Variants in LETMD1 observed in about 807,000 individuals in gnomAD.
LETMD1 encodes the protein LETM1 domain containing 1, also known as LETM1 domain-containing protein 1.
LETMD1 carries 30 observed loss-of-function variants against 43.9 expected under a neutral mutation model. That is an observed-to-expected ratio of 0.68 (90% CI 0.51 to 0.93). The LOEUF is 0.93. Among genes scored for constraint, LETMD1 ranks in the 40% least tolerant of loss-of-function variants. LETMD1 has a pLI of 0.00. For synonymous variants in LETMD1, 176 were observed against 163.1 expected, an observed-to-expected ratio of 1.08 and a Z score of -0.60; for missense variants, 413 against 447.7, an observed-to-expected ratio of 0.92 and a Z score of 0.70.
rs200367766 is a variant in LETMD1 at position 51,049,233 on chromosome 12, G to C, written c.274+48G>C. The C allele has an allele frequency of 3.9e-6, 6 of 1,525,192 alleles. No homozygotes were observed. In the African/African-American group the frequency reaches 6.9e-5, roughly 17 times the overall value. 94.5% of individuals were successfully genotyped at this position (1,525,192 alleles called of 1,614,324 possible). On this transcript the variant is annotated intron_variant, in intron 2 of 8. Transcript: ENST00000262055. ...AATTCCGGAATCAGCTCTTGGGCAG[G>C]GTCAAAGAGTTAGCATAAATAAGAT...
At chr12:51,061,750 C>T (rs1305338167), downstream of LETMD1, 1 of 152,200 alleles carries the variant, frequency 6.6e-6, no homozygotes, top group African/African-American at 2.4e-5. Context: ...ATGTGTTCCT[C>T]ATCGTGCAGC....
chr12:51,053,259 T>C (rs996131329), intron 3 of LETMD1, among the ~76,000 whole-genome samples: 1 of 152,198 alleles, frequency 6.6e-6, no homozygotes, highest in African/African-American at 2.4e-5. Flanking sequence ...TGGTATAATG[T>C]CAGGCTCTGT....
At chr12:51,063,795 T>C, downstream of LETMD1, 1 of 1,599,760 alleles carries the variant, frequency 6.3e-7, no homozygotes, top group East Asian at 2.2e-5. Context: ...GGGCCGATCC[T>C]CATTCTGCTG....
intron 8 of LETMD1, 165 bp downstream of exon 8, chr12:51,058,293 G>A (rs1948308963): frequency 8.0e-6 from 5 of 621,456 alleles, no homozygotes; most frequent in East Asian, 5.5e-5. Flanking sequence ...GGCAGGTAAC[G>A]AAGTAGGCCA....
At chr12:51,055,693 G>C (rs1947481533) in intron 4 of LETMD1, 142 bp from the exon 5 acceptor site, 2 of 257,712 alleles carry the variant, frequency 7.8e-6, no homozygotes, top group Non-Finnish European at 1.4e-5. Context: ...AAAAAAAACT[G>C]AAAAAGAAAA....
intron 4 of LETMD1, 26 bp downstream of exon 4, chr12:51,053,886 A>G (rs778704578): frequency 6.9e-7 from 1 of 1,457,154 alleles, no homozygotes; most frequent in South Asian, 1.2e-5. Flanking sequence ...CATCTCCCCA[A>G]CATCTTGAAG....
At chr12:51,064,490 C>G (rs143340150), downstream of LETMD1, 1 of 1,610,188 alleles carries the variant, frequency 6.2e-7, no homozygotes, top group East Asian at 2.2e-5. Context: ...AACTGGCAGT[C>G]GGGGAGGGCT....
At chr12:51,065,887 G>T in the LETMD1 span, among the ~76,000 whole-genome samples, 518 of 151,826 alleles carry the variant, frequency 3.4e-3, 1 homozygote, top group African/African-American at 0.012. Context: ...TAAAAATAAA[G>T]AAAGAGTGAG....
intron 2 of LETMD1, among the ~76,000 whole-genome samples, chr12:51,049,730 G>A (rs1020454478): frequency 1.8e-4 from 28 of 152,152 alleles, no homozygotes; most frequent in African/African-American, 5.6e-4. Context: ...ATCCCAGTTC[G>A]TCACTGTGCG....
intron 3 of LETMD1, among the ~76,000 whole-genome samples, chr12:51,053,226 C>T (rs1021304828): frequency 6.6e-6 from 1 of 152,144 alleles, no homozygotes; most frequent in Non-Finnish European, 1.5e-5. Context: ...TTCCGCAGAT[C>T]AGGAAGAGTT....
At chr12:51,056,116 C>T (rs1267226805) in intron 5 of LETMD1, 28 bp from the exon 6 acceptor site, 2 of 1,611,138 alleles carry the variant, frequency 1.2e-6, no homozygotes, top group Admixed American at 1.7e-5. Context: ...ACTTTCCTAA[C>T]ATCTACAAAT....
chr12:51,061,534 A>T (rs776014460), downstream of LETMD1: 13 of 152,650 alleles, frequency 8.5e-5, no homozygotes, highest in Admixed American at 2.6e-4. Flanking sequence ...GGTTGTAGAG[A>T]AGGCCTTTCG....
intron 3 of LETMD1, chr12:51,052,509 G>A (rs1201225115): frequency 2.7e-5 from 8 of 300,902 alleles, no homozygotes; most frequent in East Asian, 2.0e-4. Flanking sequence ...GGGGCTGGGC[G>A]CGGTGGCTCA....
In LETMD1 at chr12:51,056,192, G is replaced by A. The variant is rs1176145321; in HGVS notation, c.709G>A (p.Glu237Lys). ...PAIHDILALR[E>K]CFSNHPLGMN... is the part of the protein sequence containing the mutation. ...AATACATGATATCTTGGCTCTGAGA[G>A]AGTGTTTCTCTAACCATCCTCTGGG... The change falls in exon 6 of 9, where the codon GAG becomes AAG. Residue 237 changes from glutamate to lysine, a missense_variant. Coordinates refer to ENST00000262055, the MANE Select transcript of LETMD1 (RefSeq NM_015416.5). 9 of 1,614,256 alleles carry A rather than the reference G, an allele frequency of 5.6e-6. No homozygotes were observed. The highest frequency in any genetic ancestry group is 6.8e-6 in the Non-Finnish European group (8 of 1,180,048).
At position 51,055,989 on chromosome 12, in the gene LETMD1, C is replaced by G. The variant is rs528517736; in HGVS notation, c.628C>G (p.Leu210Val). Reference sequence around the variant, plus strand: ...CATCCCTCTCATTTCTGATGCAGGACTCCGGTGGCGTCTGACAGATCTGTG... The same window carrying G: ...CATCCCTCTCATTTCTGATGCAGGAGTCCGGTGGCGTCTGACAGATCTGTG... ...KVIPLISDAG[L>V]RWRLTDLCTK... The change falls in exon 5 of 9, where the codon CTC (leucine) becomes GTC (valine). Residue 210 changes from leucine to valine, a missense_variant. Coordinates refer to ENST00000262055, the MANE Select transcript of LETMD1 (RefSeq NM_015416.5). The G allele has an allele frequency of 2.5e-6, 4 of 1,614,080 alleles. No individual in the cohort carries two copies. The Admixed American group carries it at 6.7e-5, about 27-fold the overall frequency.
intron 2 of LETMD1, 68 bp from the exon 3 acceptor site, chr12:51,052,024 G>A (rs1014595293): frequency 2.1e-6 from 3 of 1,414,304 alleles, no homozygotes; most frequent in Non-Finnish European, 2.9e-6. Context: ...TGAACATGGA[G>A]TAGGAAGCTG....
chr12:51,054,657 A>G (rs190269561), intron 4 of LETMD1, among the ~76,000 whole-genome samples: 108 of 152,326 alleles, frequency 7.1e-4, no homozygotes, highest in African/African-American at 2.5e-3. Context: ...TGAAGGTCAC[A>G]TAGAGTCACT....
At chr12:51,054,804 T>TAA (rs1947166560) in intron 4 of LETMD1, among the ~76,000 whole-genome samples, 1 of 151,950 alleles carries the variant, frequency 6.6e-6, no homozygotes, top group Non-Finnish European at 1.5e-5. Flanking sequence ...ATAAATAAAT[T>TAA]AAAAAACAAA....
At position 51,056,256 on chromosome 12, in the gene LETMD1, T is replaced by C; in HGVS notation, c.762+11T>C. 1 of 1,614,064 alleles carries C rather than the reference T, an allele frequency of 6.2e-7. No homozygotes were observed. Among genetic ancestry groups the C allele is most frequent in the Non-Finnish European group, 8.5e-7 (1 of 1,179,860 alleles). ...CAGGCTTTGCACGTGGTGAGCACTTTGAGGGCTTCTCTTTTCCATAGCATC... is the reference window on the plus strand; with the variant it reads ...CAGGCTTTGCACGTGGTGAGCACTTCGAGGGCTTCTCTTTTCCATAGCATC... On this transcript the variant is annotated intron_variant, in intron 6 of 8. Transcript: ENST00000262055.
Sources: gnomAD v4.1 joint callset for allele counts (sites outside exome capture counted in the v4.1 genomes callset) on GRCh38, gnomAD v4.1.1 for gene constraint, MANE v1.5 for transcripts, NCBI Gene and HGNC (gene_info 2026-07-23, HGNC 2026-07-21) for gene names.